Variants in GPC6 observed in about 807,000 individuals in gnomAD.
The protein encoded by GPC6 is glypican 6.
GPC6 carries 14 observed loss-of-function variants against 55.2 expected under a neutral mutation model. That is an observed-to-expected ratio of 0.25 (90% CI 0.17 to 0.40). The LOEUF is 0.40. Ranked by LOEUF, GPC6 falls within the 10% of genes least tolerant of loss-of-function variation. The pLI is 1.00. For missense variants in GPC6, 641 were observed against 708.5 expected, an observed-to-expected ratio of 0.90 and a Z score of 1.08; for synonymous variants, 278 against 259.6, an observed-to-expected ratio of 1.07 and a Z score of -0.68.
At chr13:93,590,028 C>T (rs960694318) in intron 2 of GPC6, among the ~76,000 whole-genome samples, 1 of 152,198 alleles carries the variant, frequency 6.6e-6, no homozygotes, top group Non-Finnish European at 1.5e-5. Flanking sequence ...CAGCTGGTGG[C>T]TGAATCCTGA....
At chr13:93,350,371 T>C (rs1320338535) in intron 1 of GPC6, among the ~76,000 whole-genome samples, 1 of 152,020 alleles carries the variant, frequency 6.6e-6, no homozygotes, top group Non-Finnish European at 1.5e-5. Flanking sequence ...GAGGCGGAGG[T>C]TGCAGTGAGC....
intron 2 of GPC6, among the ~76,000 whole-genome samples, chr13:93,700,802 C>T (rs1306295530): frequency 6.6e-6 from 1 of 152,048 alleles, no homozygotes; most frequent in Non-Finnish European, 1.5e-5. Context: ...CAAGAGACCT[C>T]TGGTACTTGT....
intron 3 of GPC6, among the ~76,000 whole-genome samples, chr13:93,946,352 G>C (rs1025040665): frequency 1.3e-5 from 2 of 152,102 alleles, no homozygotes; most frequent in Non-Finnish European, 2.9e-5. Flanking sequence ...GGCTGGTCTT[G>C]AACTCCTGGG....
chr13:93,846,946 AT>A (rs1329391403), intron 3 of GPC6, among the ~76,000 whole-genome samples: 1 of 152,136 alleles, frequency 6.6e-6, no homozygotes, highest in African/African-American at 2.4e-5. Flanking sequence ...AATTTAAAAT[AT>A]CTCCCTAGGA....
chr13:93,816,942 A>G (rs1886874267), intron 2 of GPC6, among the ~76,000 whole-genome samples: 1 of 152,196 alleles, frequency 6.6e-6, no homozygotes, highest in Non-Finnish European at 1.5e-5. Flanking sequence ...CTTATGTTTC[A>G]GGTACCTTCC....
intron 3 of GPC6, among the ~76,000 whole-genome samples, chr13:94,013,919 A>G (rs780528783): frequency 1.3e-5 from 2 of 152,144 alleles, no homozygotes; most frequent in African/African-American, 2.4e-5. Context: ...CTGTCGTTTT[A>G]TGGCTTGCAA....
At chr13:94,328,815 C>T (rs1311550851) in intron 6 of GPC6, among the ~76,000 whole-genome samples, 4 of 152,162 alleles carry the variant, frequency 2.6e-5, no homozygotes, top group African/African-American at 7.2e-5. Flanking sequence ...CTGGGGAGCC[C>T]CTGCATCACT....
chr13:93,493,840 A>C (rs1333949209), intron 1 of GPC6, among the ~76,000 whole-genome samples: 2 of 115,230 alleles, frequency 1.7e-5, no homozygotes, highest in Admixed American at 1.7e-4. Flanking sequence ...GCTTTGAGTG[A>C]GATTCTTAAT....
intron 2 of GPC6, among the ~76,000 whole-genome samples, chr13:93,824,916 C>T (rs544858221): frequency 6.6e-6 from 1 of 152,076 alleles, no homozygotes; most frequent in South Asian, 2.1e-4. Flanking sequence ...GTAACAGGCA[C>T]CATACATGGA....
At chr13:93,716,032 C>G (rs992491494) in intron 2 of GPC6, among the ~76,000 whole-genome samples, 1 of 151,502 alleles carries the variant, frequency 6.6e-6, no homozygotes, top group African/African-American at 2.4e-5. Context: ...TTTCGTATCC[C>G]CTCGTGACTC....
At chr13:93,280,176 G>T (rs974947066) in intron 1 of GPC6, among the ~76,000 whole-genome samples, 3 of 152,048 alleles carry the variant, frequency 2.0e-5, no homozygotes, top group African/African-American at 7.2e-5. Context: ...ATGTGGGGGG[G>T]GCCAGACCAA....
chr13:93,867,446 T>C (rs900452022), intron 3 of GPC6, among the ~76,000 whole-genome samples: 1 of 151,662 alleles, frequency 6.6e-6, no homozygotes, highest in African/African-American at 2.4e-5. Context: ...ACTTTCCTTA[T>C]CTCTAAAATA....
chr13:94,180,899 GGAGA>G (rs1331182013), intron 4 of GPC6, among the ~76,000 whole-genome samples: 1 of 138,460 alleles, frequency 7.2e-6, no homozygotes, highest in Non-Finnish European at 1.6e-5. Flanking sequence ...AGAGAGAGAG[GGAGA>G]GAGACTGAAA....
At chr13:93,832,268 CAGTAAAATATGAATA>C (rs1289901285) in intron 3 of GPC6, among the ~76,000 whole-genome samples, 1 of 150,052 alleles carries the variant, frequency 6.7e-6, no homozygotes, top group Non-Finnish European at 1.5e-5. Flanking sequence ...TGAGGACTGT[CAGTAAAATATGAATA>C]AGTGTAGAAA....
At chr13:94,114,991 A>G (rs1046391662) in intron 4 of GPC6, among the ~76,000 whole-genome samples, 2 of 152,176 alleles carry the variant, frequency 1.3e-5, no homozygotes, top group African/African-American at 4.8e-5. Flanking sequence ...ATTCTCAACC[A>G]TTAAACTCTA....
At chr13:93,243,214 C>T (rs928882064) in intron 1 of GPC6, among the ~76,000 whole-genome samples, 1 of 152,218 alleles carries the variant, frequency 6.6e-6, no homozygotes, top group Non-Finnish European at 1.5e-5. Flanking sequence ...TACTAAGTCT[C>T]TCTTGATTTG....
chr13:93,586,663 C>G (rs1280119622), intron 2 of GPC6, among the ~76,000 whole-genome samples: 2 of 152,112 alleles, frequency 1.3e-5, no homozygotes, highest in African/African-American at 4.8e-5. Flanking sequence ...TATAAAAACC[C>G]TGGGAGACAA....
intron 1 of GPC6, among the ~76,000 whole-genome samples, chr13:93,543,789 G>A (rs944896260): frequency 6.6e-6 from 1 of 152,156 alleles, no homozygotes; most frequent in Non-Finnish European, 1.5e-5. Context: ...AACATGGGAT[G>A]CAAACGTCTC....
intron 7 of GPC6, 90 bp downstream of exon 7, chr13:94,382,640 G>A (rs1044134034): frequency 1.3e-6 from 2 of 1,553,114 alleles, no homozygotes; most frequent in Non-Finnish European, 1.8e-6. Context: ...ACCTGTTTAT[G>A]CAAAAAGCAA....
Sources: gnomAD v4.1 joint callset for allele counts (sites outside exome capture counted in the v4.1 genomes callset) on GRCh38, gnomAD v4.1.1 for gene constraint, MANE v1.5 for transcripts, NCBI Gene and HGNC (gene_info 2026-07-23, HGNC 2026-07-21) for gene names.